TCF25: variants seen among roughly 807,000 people sequenced by gnomAD.
TCF25 encodes the protein ribosome quality control complex subunit TCF25.
A neutral mutation model predicts 83.1 loss-of-function variants in TCF25; 41 were observed. The ratio of observed to expected loss-of-function variants is 0.49; its 90% confidence interval spans 0.38 to 0.64. The LOEUF (loss-of-function observed/expected upper bound fraction) is 0.64, where lower values mean the gene tolerates loss of function less well. Ranked by LOEUF, TCF25 falls within the 30% of genes least tolerant of loss-of-function variation. The pLI is 0.00. For missense variants in TCF25, 979 were observed against 914.5 expected, an observed-to-expected ratio of 1.07 and a Z score of -0.91; for synonymous variants, 458 against 365.0, an observed-to-expected ratio of 1.25 and a Z score of -2.90.
intron 1 of TCF25, among the ~76,000 whole-genome samples, chr16:89,882,611 G>T (rs1268661945): frequency 6.6e-6 from 1 of 152,178 alleles, no homozygotes; most frequent in African/African-American, 2.4e-5. Context: ...TTTTGAGATG[G>T]AGTCTTGCTC....
At chr16:89,874,578 T>C (rs2042027957) in intron 1 of TCF25, 1 of 152,414 alleles carries the variant, frequency 6.6e-6, no homozygotes, top group South Asian at 2.0e-4. Flanking sequence ...TCTTACTCTT[T>C]GCTGCATCTC....
At chr16:89,903,285 C>G (rs2044500088) in intron 12 of TCF25, among the ~76,000 whole-genome samples, 2 of 152,264 alleles carry the variant, frequency 1.3e-5, no homozygotes. Context: ...ACATGGCGGC[C>G]TCTGCCCTCA....
intron 8 of TCF25, 113 bp downstream of exon 8, chr16:89,895,250 A>G (rs1452717555): frequency 2.1e-6 from 2 of 960,036 alleles, no homozygotes; most frequent in Non-Finnish European, 3.1e-6. Flanking sequence ...TGACAGCTTT[A>G]TTGAGATACA....
intron 6 of TCF25, among the ~76,000 whole-genome samples, chr16:89,893,231 G>T (rs1460929389): frequency 1.3e-5 from 2 of 152,200 alleles, no homozygotes; most frequent in African/African-American, 4.8e-5. Flanking sequence ...CATACACCCA[G>T]TCAGACAAGA....
At chr16:89,886,259 C>T (rs1160069923) in intron 4 of TCF25, 1 of 372,658 alleles carries the variant, frequency 2.7e-6, no homozygotes, top group Non-Finnish European at 5.2e-6. Context: ...AACCCCCTCT[C>T]TACTAAAAAT....
chr16:89,909,423 A>C (rs1263041789), intron 16 of TCF25: 2 of 243,428 alleles, frequency 8.2e-6, no homozygotes, highest in Admixed American at 9.6e-5. Context: ...AGGCAGGAAA[A>C]TTGTTTGAAC....
rs141358199 is a variant in TCF25, at chr16:89,893,656, G to A, written c.698-72G>A. On this transcript the variant is annotated intron_variant, in intron 6 of 17. Coordinates refer to ENST00000263346, the MANE Select transcript of TCF25 (RefSeq NM_014972.3). ...AGGCCTCATCCAGAACACCACGAAG[G>A]TGAGGGCTGTGCTCGGAGCTGCCCA... is the stretch of plus-strand genomic sequence containing the variant. 5.6e-3 allele frequency: 9,046 copies of A among 1,608,746 alleles called. 31 individuals are homozygous for A. Among genetic ancestry groups the A allele is most frequent in the Middle Eastern group, 0.01 (50 of 4,772 alleles).
In TCF25 at chr16:89,907,285, C is replaced by T; in HGVS notation, c.1762C>T (p.Pro588Ser). The change falls in exon 16 of 18, where the codon CCT (proline) becomes TCT (serine). Residue 588 changes from proline to serine, a missense_variant. Transcript: ENST00000263346. ...TGTGATGGGGTTTGATCCTCTGCCT[C>T]CTTCGGACACAATCTACTCCTACGT... Reference protein sequence around the residue: ...QSVMGFDPLPPSDTIYSYVRP... With the variant: ...QSVMGFDPLPSSDTIYSYVRP... 2 of 1,612,838 alleles carry T rather than the reference C, an allele frequency of 1.2e-6. No homozygotes were observed. Among genetic ancestry groups the T allele is most frequent in the Non-Finnish European group, 8.5e-7 (1 of 1,179,382 alleles).
chr16:89,911,269 G>A lies in TCF25; in HGVS notation c.*31G>A, dbSNP rs1233720834. The stretch of plus-strand genomic sequence containing the variant: ...CGCAGAGGTGACCGAAAAGCCGTAT[G>A]ATGATGTTCCCGATTTCTCTGTTGG... On this transcript the variant is annotated 3_prime_UTR_variant, in exon 18 of 18. Transcript: ENST00000263346. 1.9e-6 allele frequency: 3 copies of A among 1,605,566 alleles called. No homozygotes were observed. In the East Asian group the frequency reaches 6.7e-5, roughly 36 times the overall value.
chr16:89,906,257 C>T lies in TCF25; in HGVS notation c.1692C>T (p.Ile564=). ...NIHRHVILSE[I]KEAVAALPPD... ...ACCGCCATGTGATCCTCTCTGAGAT[C>T]AAGGAAGCCGTCGCTGCCCTGCCCC... Residue 564 remains isoleucine (I), a synonymous_variant, in exon 15 of 18, where the codon ATC becomes ATT. Coordinates refer to ENST00000263346, the MANE Select transcript of TCF25 (RefSeq NM_014972.3). 6.2e-7 allele frequency: 1 copy of T among 1,613,304 alleles called. No homozygotes were observed. Among genetic ancestry groups the T allele is most frequent in the Non-Finnish European group, 8.5e-7 (1 of 1,179,994 alleles).
intron 5 of TCF25, among the ~76,000 whole-genome samples, chr16:89,891,889 C>T (rs1445083037): frequency 1.3e-5 from 2 of 152,098 alleles, no homozygotes; most frequent in African/African-American, 2.4e-5. Flanking sequence ...AGGCCAGTCT[C>T]GAACTCCTGG....
At position 89,911,284 on chromosome 16, in the gene TCF25, T is replaced by C. The variant is rs1278686355; in HGVS notation, c.*46T>C. 1 of 1,601,744 alleles carries C rather than the reference T, an allele frequency of 6.2e-7. No homozygotes were observed. The highest frequency in any genetic ancestry group is 8.5e-7 in the Non-Finnish European group (1 of 1,171,536). On this transcript the variant is annotated 3_prime_UTR_variant, in exon 18 of 18. Transcript: ENST00000263346. ...AAAGCCGTATGATGATGTTCCCGAT[T>C]TCTCTGTTGGTCGGAGTCGGCCAGT...
intron 1 of TCF25, among the ~76,000 whole-genome samples, chr16:89,877,378 A>G (rs569864698): frequency 7.9e-5 from 12 of 152,174 alleles, no homozygotes; most frequent in Admixed American, 1.3e-4. Context: ...TAATTTTTTC[A>G]ATTTTTTTTG....
intron 16 of TCF25, chr16:89,909,308 G>T: frequency 2.2e-6 from 1 of 450,830 alleles, no homozygotes; most frequent in South Asian, 2.1e-5. Context: ...TCAAGAGATT[G>T]AGACCAGCCT....
At chr16:89,908,159 C>T (rs1366860306) in intron 16 of TCF25, among the ~76,000 whole-genome samples, 1 of 140,416 alleles carries the variant, frequency 7.1e-6, no homozygotes, top group Non-Finnish European at 1.5e-5. Context: ...TGCCTCCCTC[C>T]TCCCAGCTCC....
chr16:89,878,575 G>T (rs1325770677), intron 1 of TCF25: 20 of 1,172,910 alleles, frequency 1.7e-5, no homozygotes, highest in Non-Finnish European at 2.0e-5. Context: ...CAAGAACCTT[G>T]TGAAATGTTC....
At chr16:89,887,499 G>A (rs1232319769) in intron 4 of TCF25, 153 bp from the exon 5 acceptor site, 10 of 613,574 alleles carry the variant, frequency 1.6e-5, no homozygotes, top group Non-Finnish European at 2.3e-5. Flanking sequence ...CTCAGCTGTG[G>A]TTGGGGTGGT....
chr16:89,897,415 C>G (rs967025795), intron 9 of TCF25, among the ~76,000 whole-genome samples: 5 of 152,398 alleles, frequency 3.3e-5, no homozygotes, highest in South Asian at 4.1e-4. Flanking sequence ...GTGCAGTGCC[C>G]TGTTTCTCTG....
Position 89,881,113 on chromosome 16 carries a change from A to G in TCF25, c.193-2238A>G, listed in dbSNP as rs572267872. Among the ~76,000 whole-genome samples, 5 of 152,308 alleles carry G rather than the reference A, an allele frequency of 3.3e-5. No individual in the cohort carries two copies. The East Asian group carries it at 5.8e-4, about 18-fold the overall frequency. On this transcript the variant is annotated intron_variant, in intron 1 of 17. Transcript: ENST00000263346. ...TGACTTGTCTCAGCGGGCGTTTAAG[A>G]TGCTCCTGAATCGTATCCTTGTCAT...
Sources: allele counts gnomAD v4.1 joint callset (sites outside exome capture counted in the v4.1 genomes callset), GRCh38; gene constraint gnomAD v4.1.1; transcripts MANE v1.5; gene names NCBI Gene and HGNC (gene_info 2026-07-23, HGNC 2026-07-21).